Variants in CACNA2D1 observed in about 807,000 individuals in gnomAD.
CACNA2D1 encodes the protein voltage-dependent calcium channel subunit alpha-2/delta-1.
A neutral mutation model predicts 171.5 loss-of-function variants in CACNA2D1; 53 were observed. The observed-to-expected ratio is 0.31, with a 90% CI of 0.25 to 0.39. The LOEUF (loss-of-function observed/expected upper bound fraction) is 0.39, where lower values mean the gene tolerates loss of function less well. Ranked by LOEUF, CACNA2D1 falls within the 10% of genes least tolerant of loss-of-function variation. The probability of loss-of-function intolerance (pLI) is 1.00; values close to 1 mark genes in which losing one functional copy is unlikely to be tolerated. For missense variants in CACNA2D1, 903 were observed against 1,299.8 expected (o/e 0.69, Z 4.69); for synonymous variants, 442 against 443.1 (o/e 1.00, Z 0.03).
At chr7:82,209,656 T>C (rs1563204600) in intron 3 of CACNA2D1, among the ~76,000 whole-genome samples, 1 of 152,196 alleles carries the variant, frequency 6.6e-6, no homozygotes, top group Admixed American at 6.5e-5. Flanking sequence ...TGTTTTTGTA[T>C]ATATGCCAGG....
intron 5 of CACNA2D1, among the ~76,000 whole-genome samples, chr7:82,132,436 C>T (rs917986072): frequency 6.6e-6 from 1 of 152,178 alleles, no homozygotes; most frequent in Non-Finnish European, 1.5e-5. Context: ...TCCATATCCT[C>T]TTGCAACAAG....
At chr7:82,072,017 G>C (rs1037604235) in intron 7 of CACNA2D1, among the ~76,000 whole-genome samples, 6 of 152,112 alleles carry the variant, frequency 3.9e-5, no homozygotes, top group Non-Finnish European at 7.3e-5. Context: ...GTTACCCTAA[G>C]CACTGATTTA....
In CACNA2D1 at chr7:82,245,676, A is replaced by ACACACACT. The variant is rs1554479417; in HGVS notation, c.295-75068_295-75067insAGTGTGTG. 7.2e-3 allele frequency among the ~76,000 whole-genome samples: 1,054 copies of ACACACACT among 145,938 alleles called. 12 individuals carry two copies. The highest frequency in any genetic ancestry group is 0.068 in the East Asian group (339 of 5,006). Reference sequence around the variant, plus strand: ...CTCTCTCTCTCTCACACACACACACACACACACACACAGAATTTAGAAAAC... The same window carrying ACACACACT: ...CTCTCTCTCTCTCACACACACACACACACACACTCACACACACACAGAATTTAGAAAAC... On this transcript the variant is annotated intron_variant, in intron 3 of 38. Coordinates refer to ENST00000356860, the MANE Select transcript of CACNA2D1 (RefSeq NM_000722.4).
intron 12 of CACNA2D1, among the ~76,000 whole-genome samples, chr7:82,018,786 C>A (rs943246935): frequency 6.6e-6 from 1 of 151,662 alleles, no homozygotes; most frequent in Non-Finnish European, 1.5e-5. Flanking sequence ...AGTTCAAGAC[C>A]AGCCTGGGCA....
At chr7:82,201,890 C>G (rs1799472514) in intron 3 of CACNA2D1, among the ~76,000 whole-genome samples, 1 of 152,190 alleles carries the variant, frequency 6.6e-6, no homozygotes, top group Non-Finnish European at 1.5e-5. Flanking sequence ...CCCACATTCC[C>G]TTACCTGTTC....
chr7:82,148,689 G>A (rs182579103), intron 4 of CACNA2D1, among the ~76,000 whole-genome samples: 4 of 152,314 alleles, frequency 2.6e-5, no homozygotes, highest in Admixed American at 2.0e-4. Flanking sequence ...ACCAGCTGGA[G>A]TGCAGTGGCA....
intron 3 of CACNA2D1, among the ~76,000 whole-genome samples, chr7:82,223,403 A>T (rs1277256104): frequency 6.6e-6 from 1 of 152,150 alleles, no homozygotes; most frequent in Non-Finnish European, 1.5e-5. Context: ...AATTAAACAT[A>T]CTATATATTA....
intron 1 of CACNA2D1, among the ~76,000 whole-genome samples, chr7:82,425,021 G>A (rs1829050252): frequency 6.6e-6 from 1 of 152,220 alleles, no homozygotes; most frequent in African/African-American, 2.4e-5. Context: ...TTGAGTGTGA[G>A]TGGGGACCAT....
At chr7:82,357,067 C>T (rs1439876035) in intron 1 of CACNA2D1, among the ~76,000 whole-genome samples, 1 of 151,996 alleles carries the variant, frequency 6.6e-6, no homozygotes, top group Non-Finnish European at 1.5e-5. Flanking sequence ...CTTTTATATC[C>T]TCTACTTCAC....
At position 82,136,548 on chromosome 7, in the gene CACNA2D1, A is replaced by G. The variant is rs891752837; in HGVS notation, c.396+87T>C. 33 of 988,840 alleles carry G rather than the reference A, an allele frequency of 3.3e-5. No homozygotes were observed. In the African/African-American group the frequency reaches 5.8e-4, roughly 17 times the overall value. 61.3% of individuals were successfully genotyped at this position (988,840 alleles called of 1,614,324 possible). ...GCAGTCTAACATTGTCTTAAAAACT[A>G]AAACTGCTAGCTCAATTTATTCTAT... On this transcript the variant is annotated intron_variant, in intron 5 of 38. Coordinates refer to ENST00000356860, the MANE Select transcript of CACNA2D1 (RefSeq NM_000722.4).
At chr7:82,363,855 A>C (rs866006011) in intron 1 of CACNA2D1, among the ~76,000 whole-genome samples, 1 of 152,144 alleles carries the variant, frequency 6.6e-6, no homozygotes, top group Non-Finnish European at 1.5e-5. Flanking sequence ...CAGACTATAG[A>C]TCTAAGGAGA....
intron 3 of CACNA2D1, among the ~76,000 whole-genome samples, chr7:82,244,973 T>G (rs536350612): frequency 6.6e-6 from 1 of 152,206 alleles, no homozygotes; most frequent in Non-Finnish European, 1.5e-5. Context: ...CATATTCCAC[T>G]GCTGCAGACA....
At chr7:82,051,240 T>C (rs555754156) in intron 10 of CACNA2D1, 13 of 152,344 alleles carry the variant, frequency 8.5e-5, no homozygotes, top group East Asian at 1.9e-4. Flanking sequence ...CAGGCTTTTA[T>C]AGCAGTTGCA....
chr7:82,212,260 A>T (rs1251536739), intron 3 of CACNA2D1, among the ~76,000 whole-genome samples: 1 of 152,184 alleles, frequency 6.6e-6, no homozygotes, highest in Non-Finnish European at 1.5e-5. Flanking sequence ...AATATGGGAT[A>T]CCTAATTCAA....
intron 25 of CACNA2D1, among the ~76,000 whole-genome samples, chr7:81,972,142 G>A (rs1054325132): frequency 2.0e-5 from 3 of 151,470 alleles, no homozygotes; most frequent in Admixed American, 6.6e-5. Flanking sequence ...TTAAGAAACA[G>A]GAAATAGTCC....
intron 3 of CACNA2D1, among the ~76,000 whole-genome samples, chr7:82,224,358 C>A (rs1381909788): frequency 6.6e-6 from 1 of 152,014 alleles, no homozygotes; most frequent in East Asian, 1.9e-4. Context: ...GAGGCCGAGG[C>A]GGGCGGATCA....
intron 37 of CACNA2D1, 56 bp from the exon 38 acceptor site, chr7:81,959,413 A>AAATACAATGCAATGTATT: frequency 8.5e-7 from 1 of 1,171,016 alleles, no homozygotes; most frequent in Non-Finnish European, 1.3e-6. Flanking sequence ...GATTAAAAAT[A>AAATACAATGCAATGTATT]AATACAATGC....
Position 82,232,318 on chromosome 7 carries a change from C to T in CACNA2D1, c.295-61709G>A, listed in dbSNP as rs371989179. Reference sequence around the variant, plus strand: ...TCTATAAAGATTTGTCTGGATAATGCTTTCGTTAAATGATGCATATTTTAA... The same window carrying T: ...TCTATAAAGATTTGTCTGGATAATGTTTTCGTTAAATGATGCATATTTTAA... On this transcript the variant is annotated intron_variant, in intron 3 of 38. Transcript: ENST00000356860. Among the ~76,000 whole-genome samples the T allele has an allele frequency of 7.9e-5, 12 of 151,970 alleles. No homozygotes were observed. The East Asian group carries it at 2.1e-3, about 27-fold the overall frequency.
chr7:82,027,733 T>A (rs1046841649), intron 12 of CACNA2D1: 1 of 151,776 alleles, frequency 6.6e-6, no homozygotes, highest in African/African-American at 2.4e-5. Context: ...ACTTCATGTC[T>A]CTGTCACAGT....
Sources: allele counts gnomAD v4.1 joint callset (sites outside exome capture counted in the v4.1 genomes callset), GRCh38; gene constraint gnomAD v4.1.1; transcripts MANE v1.5; gene names NCBI Gene and HGNC (gene_info 2026-07-23, HGNC 2026-07-21).